Variants in YES1 observed in about 807,000 individuals in gnomAD.
The protein encoded by YES1 is YES proto-oncogene 1, Src family tyrosine kinase.
In YES1, 39 loss-of-function variants were observed where a neutral mutation model predicts 70.4. The observed-to-expected ratio is 0.55, with a 90% CI of 0.43 to 0.72. YES1 has a LOEUF of 0.72. Ranked by LOEUF, YES1 falls within the 30% of genes least tolerant of loss-of-function variation. YES1 has a pLI of 0.00. For missense variants in YES1, 495 were observed against 644.8 expected, an observed-to-expected ratio of 0.77 and a Z score of 2.52; for synonymous variants, 198 against 218.6, an observed-to-expected ratio of 0.91 and a Z score of 0.83.
chr18:743,734 T>C (rs868183895), intron 6 of YES1, among the ~76,000 whole-genome samples: 2 of 151,774 alleles, frequency 1.3e-5, no homozygotes, highest in Non-Finnish European at 2.9e-5. Flanking sequence ...AGTGAAACAC[T>C]GTCTCTACTA....
At chr18:799,686 G>C (rs1367600252) in intron 1 of YES1, among the ~76,000 whole-genome samples, 1 of 152,126 alleles carries the variant, frequency 6.6e-6, no homozygotes, top group African/African-American at 2.4e-5. Context: ...CTGGGCAACA[G>C]AGCGAGACTC....
chr18:787,577 G>A (rs1212278436), intron 1 of YES1, among the ~76,000 whole-genome samples: 1 of 152,016 alleles, frequency 6.6e-6, no homozygotes, highest in Non-Finnish European at 1.5e-5. Flanking sequence ...GGGCATGCTG[G>A]TGCGTGCCTG....
In YES1 at chr18:725,809, G is replaced by A. The variant is rs184060757; in HGVS notation, c.1424-1177C>T. ...GCTGAGGTGGGAGAATCACTTGAAC[G>A]GGAGGCGGAGGTTGCAGTGAGCCGA... On this transcript the variant is annotated intron_variant, in intron 11 of 11. Coordinates refer to ENST00000314574, the MANE Select transcript of YES1 (RefSeq NM_005433.4). 2.0e-4 allele frequency among the ~76,000 whole-genome samples: 31 copies of A among 152,206 alleles called. 1 individual carries two copies. Among genetic ancestry groups the A allele is most frequent in the South Asian group, 8.3e-4 (4 of 4,810 alleles).
Position 729,458 on chromosome 18 carries a change from CT to C in YES1, c.1423+3375del, listed in dbSNP as rs148415047. Among the ~76,000 whole-genome samples the C allele has an allele frequency of 3.6e-3, 527 of 146,996 alleles. 3 individuals are homozygous for C. Among genetic ancestry groups the C allele is most frequent in the African/African-American group, 0.011 (454 of 40,042 alleles). ...AAATAAATACAATTTCCATTTGATT[CT>C]TTTTTTTTTAATAGATTCCAATTCT... On this transcript the variant is annotated intron_variant, in intron 11 of 11. Transcript: ENST00000314574.
rs1906996409 is a variant in YES1, at chr18:804,622, A to G, written c.-9+7492T>C. ...GAGACTGAGTCTCAAAAAAAAAAAA[A>G]AAAAAAAAGGCCAGCTGAGGTGGCT... On this transcript the variant is annotated intron_variant, in intron 1 of 11. Transcript: ENST00000314574. 4.0e-5 allele frequency among the ~76,000 whole-genome samples: 6 copies of G among 148,878 alleles called. No individual in the cohort carries two copies. The Admixed American group carries it at 4.0e-4, about 10-fold the overall frequency.
At chr18:750,491 C>T (rs1195324420) in intron 3 of YES1, among the ~76,000 whole-genome samples, 1 of 152,212 alleles carries the variant, frequency 6.6e-6, no homozygotes, top group East Asian at 1.9e-4. Flanking sequence ...CCACTACTCA[C>T]TAGAAGACAG....
chr18:739,893 A>C, intron 8 of YES1, 82 bp from the exon 9 acceptor site: 3 of 993,502 alleles, frequency 3.0e-6, no homozygotes, highest in Non-Finnish European at 4.4e-6. Flanking sequence ...ACCCCAAATC[A>C]CAACACAAAA....
intron 1 of YES1, among the ~76,000 whole-genome samples, chr18:791,262 G>GA (rs76918191): frequency 6.3e-4 from 83 of 131,614 alleles, no homozygotes; most frequent in East Asian, 4.4e-3. Flanking sequence ...AAAAAAAAAA[G>GA]AAAAAAAAAA....
intron 1 of YES1, among the ~76,000 whole-genome samples, chr18:776,394 A>C (rs541991487): frequency 5.3e-5 from 8 of 152,214 alleles, no homozygotes; most frequent in African/African-American, 1.9e-4. Context: ...GTGGGTGTGT[A>C]GGAGTCTCTC....
chr18:786,244 A>G (rs1905931829), intron 1 of YES1, among the ~76,000 whole-genome samples: 1 of 148,894 alleles, frequency 6.7e-6, no homozygotes, highest in Non-Finnish European at 1.5e-5. Flanking sequence ...CCAGGACTCA[A>G]AAGATAGAAG....
At chr18:777,993 T>A (rs145394087) in intron 1 of YES1, among the ~76,000 whole-genome samples, 3 of 152,294 alleles carry the variant, frequency 2.0e-5, no homozygotes, top group African/African-American at 4.8e-5. Flanking sequence ...ACTGTTAAAG[T>A]ATTTTGCTTT....
At chr18:789,378 T>C (rs1040028875) in intron 1 of YES1, among the ~76,000 whole-genome samples, 3 of 151,678 alleles carry the variant, frequency 2.0e-5, no homozygotes. Flanking sequence ...GCCCAGGAGT[T>C]CAAGATCAGC....
intron 1 of YES1, among the ~76,000 whole-genome samples, chr18:784,501 C>T (rs1172958367): frequency 6.6e-6 from 1 of 152,220 alleles, no homozygotes; most frequent in Non-Finnish European, 1.5e-5. Context: ...AATTTAGTGG[C>T]TTAAAACAAT....
intron 6 of YES1, among the ~76,000 whole-genome samples, chr18:743,885 GAC>G (rs1312577563): frequency 6.7e-6 from 1 of 149,228 alleles, no homozygotes; most frequent in Non-Finnish European, 1.5e-5. Context: ...TAGCCTGGGT[GAC>G]ACAGTGAGAT....
chr18:764,788 A>T (rs1009516054), intron 1 of YES1, among the ~76,000 whole-genome samples: 1 of 151,850 alleles, frequency 6.6e-6, no homozygotes, highest in Non-Finnish European at 1.5e-5. Flanking sequence ...GCTGGAGTGC[A>T]GTGGCGCGAT....
chr18:770,584 C>T (rs1905108641), intron 1 of YES1, among the ~76,000 whole-genome samples: 1 of 152,130 alleles, frequency 6.6e-6, no homozygotes, highest in Admixed American at 6.5e-5. Flanking sequence ...AAATTCTGAT[C>T]TCTATCTCTT....
At chr18:789,845 A>C (rs370580389) in intron 1 of YES1, among the ~76,000 whole-genome samples, 1 of 152,146 alleles carries the variant, frequency 6.6e-6, no homozygotes, top group South Asian at 2.1e-4. Context: ...AGATTGCCTG[A>C]GGTCAGAAGT....
rs149275233 is a variant in YES1 at position 775,806 on chromosome 18, A to T, written c.-8-18971T>A. ...AGTGAGAACTTGCCTCAAATAAATT[A>T]AAAAAAAAAATAGAATCATATATAA... On this transcript the variant is annotated intron_variant, in intron 1 of 11. Transcript: ENST00000314574. Among the ~76,000 whole-genome samples, 973 of 147,682 alleles carry T rather than the reference A, an allele frequency of 6.6e-3. 7 individuals carry two copies. The highest frequency in any genetic ancestry group is 0.022 in the African/African-American group (888 of 40,232).
At chr18:798,552 G>A (rs144250696) in intron 1 of YES1, among the ~76,000 whole-genome samples, 7 of 152,258 alleles carry the variant, frequency 4.6e-5, no homozygotes, top group Admixed American at 4.6e-4. Flanking sequence ...ATGCATAGGG[G>A]AGCCGCTTTA....
Sources: allele counts gnomAD v4.1 joint callset (sites outside exome capture counted in the v4.1 genomes callset), GRCh38; gene constraint gnomAD v4.1.1; transcripts MANE v1.5; gene names NCBI Gene and HGNC (gene_info 2026-07-23, HGNC 2026-07-21).